The following MYO9A variants were observed in gnomAD, a reference collection of about 807,000 sequenced individuals.
MYO9A encodes myosin IXA.
Under a neutral mutation model 293.3 loss-of-function variants are expected in MYO9A, and 103 were observed. That is an observed-to-expected ratio of 0.35 (90% CI 0.30 to 0.41). The LOEUF (loss-of-function observed/expected upper bound fraction) is 0.41, where lower values mean the gene tolerates loss of function less well. Ranked by LOEUF, MYO9A falls within the 10% of genes least tolerant of loss-of-function variation. The probability of loss-of-function intolerance (pLI) is 1.00; values close to 1 mark genes in which losing one functional copy is unlikely to be tolerated. For synonymous variants in MYO9A, 1,001 were observed against 1,035.7 expected, an observed-to-expected ratio of 0.97 and a Z score of 0.64; for missense variants, 2,685 against 3,033.0, an observed-to-expected ratio of 0.89 and a Z score of 2.69.
chr15:72,114,839 T>C (rs2080910675), intron 1 of MYO9A, among the ~76,000 whole-genome samples: 2 of 152,200 alleles, frequency 1.3e-5, no homozygotes, highest in Admixed American at 1.3e-4. Context: ...TATTTCAAAC[T>C]GAGTTAACAT....
chr15:72,102,657 C>T (rs994055231), intron 1 of MYO9A, among the ~76,000 whole-genome samples: 17 of 152,072 alleles, frequency 1.1e-4, no homozygotes, highest in African/African-American at 3.6e-4. Context: ...TAGTTATACA[C>T]GTCTCTAATG....
chr15:72,036,773 G>A (rs2078061833), intron 2 of MYO9A: 1 of 152,500 alleles, frequency 6.6e-6, no homozygotes, highest in South Asian at 2.1e-4. Flanking sequence ...GGAGTGCAGT[G>A]GTGCTATAAC....
At chr15:71,946,291 A>G (rs999306972) in intron 15 of MYO9A, among the ~76,000 whole-genome samples, 18 of 152,196 alleles carry the variant, frequency 1.2e-4, no homozygotes, top group Admixed American at 6.5e-4. Context: ...CTTAAATAAA[A>G]TTACTAATGA....
intron 30 of MYO9A, 68 bp from the exon 31 acceptor site, chr15:71,878,299 C>T (rs2056757012): frequency 1.8e-6 from 2 of 1,092,474 alleles, no homozygotes; most frequent in African/African-American, 3.2e-5. Context: ...GGAAAGATTA[C>T]ACTTGTAATG....
At position 71,837,151 on chromosome 15, in the gene MYO9A, G is replaced by C. The variant is rs1327161418; in HGVS notation, c.6838-6840C>G. Among the ~76,000 whole-genome samples, 5 of 152,150 alleles carry C rather than the reference G, an allele frequency of 3.3e-5. No individual in the cohort carries two copies. In the East Asian group the frequency reaches 9.6e-4, roughly 29 times the overall value. ...GAGTTGAGTTTGGCAAGAAAGAAAG[G>C]AAAAGTGCTGTCTCAAAAATAGAAA... On this transcript the variant is annotated intron_variant, in intron 39 of 41. Coordinates refer to ENST00000356056, the MANE Select transcript of MYO9A (RefSeq NM_006901.4).
intron 8 of MYO9A, among the ~76,000 whole-genome samples, chr15:72,003,450 A>C (rs779860749): frequency 1.3e-5 from 2 of 152,000 alleles, no homozygotes; most frequent in South Asian, 4.1e-4. Context: ...TAACCCCAGC[A>C]CTTTGGAAGG....
chr15:72,072,798 G>A (rs1474120506), intron 1 of MYO9A, among the ~76,000 whole-genome samples: 1 of 152,076 alleles, frequency 6.6e-6, no homozygotes, highest in Non-Finnish European at 1.5e-5. Flanking sequence ...TGGGTATTAT[G>A]TTCACTATTT....
Position 71,854,372 on chromosome 15 carries a change from C to A in MYO9A, c.6346+5G>T. 1 of 1,531,862 alleles carries A rather than the reference C, an allele frequency of 6.5e-7. No homozygotes were observed. Among genetic ancestry groups the A allele is most frequent in the Admixed American group, 2.1e-5 (1 of 48,008 alleles). 94.9% of individuals were successfully genotyped at this position (1,531,862 alleles called of 1,614,324 possible). ...TTCATTATGATTTAGAGGGCACTAT[C>A]TTACCTGTATCTAGACCCTGCCGAA... is the stretch of plus-strand genomic sequence containing the variant. On this transcript the variant is annotated splice_donor_5th_base_variant and intron_variant, in intron 35 of 41. Transcript: ENST00000356056.
In MYO9A at chr15:71,879,651, A is replaced by G. The variant is rs149168223; in HGVS notation, c.5739+70T>C. On this transcript the variant is annotated intron_variant, in intron 30 of 41. Coordinates refer to ENST00000356056, the MANE Select transcript of MYO9A (RefSeq NM_006901.4). ...TCTTACGAAACATGGCTTTTGTATT[A>G]TCTTCTACAGCGCTATCAAATTTTT... 180 of 1,131,832 alleles carry G rather than the reference A, an allele frequency of 1.6e-4. No individual in the cohort carries two copies. In the African/African-American group the frequency reaches 2.5e-3, roughly 16 times the overall value. 70.1% of individuals were successfully genotyped at this position (1,131,832 alleles called of 1,614,324 possible). A position where few individuals can be genotyped will look rare whatever the true frequency, so the allele number is the denominator to read the frequency against.
At position 71,823,183 on chromosome 15, in the gene MYO9A, C is replaced by T. The variant is rs913847515; in HGVS notation, c.*3397G>A. 1 of 152,146 alleles carries T rather than the reference C, an allele frequency of 6.6e-6. No homozygotes were observed. Among genetic ancestry groups the T allele is most frequent in the Non-Finnish European group, 1.5e-5 (1 of 68,040 alleles). 9.4% of individuals were successfully genotyped at this position (152,146 alleles called of 1,614,324 possible). ...ATGAAAACTCTCTTAGCTTTGAACA[C>T]ATCCTGAGAATCCTTTCTTCTTTCT... is the stretch of plus-strand genomic sequence containing the variant. On this transcript the variant is annotated 3_prime_UTR_variant, in exon 42 of 42. Coordinates refer to ENST00000356056, the MANE Select transcript of MYO9A (RefSeq NM_006901.4).
Position 71,997,328 on chromosome 15 carries a change from G to A in MYO9A, c.1470+2523C>T, listed in dbSNP as rs545002425. 4.7e-4 allele frequency among the ~76,000 whole-genome samples: 72 copies of A among 152,210 alleles called. 1 individual carries two copies. Among genetic ancestry groups the A allele is most frequent in the Non-Finnish European group, 3.5e-4 (24 of 68,026 alleles). ...TTTATTAAAGAAATAACAGCCGGGC[G>A]TGGTGGCTCACGCCTGTAATCCCAA... On this transcript the variant is annotated intron_variant, in intron 9 of 41. Coordinates refer to ENST00000356056, the MANE Select transcript of MYO9A (RefSeq NM_006901.4).
chr15:71,903,083 T>C lies in MYO9A; in HGVS notation c.2878-20A>G, dbSNP rs746632939. ...AAAATCCTGAAAAATAATTTAAAAA[T>C]ATTGTAAAATCAGAAAACAGTGTAT... On this transcript the variant is annotated intron_variant, in intron 21 of 41. Coordinates refer to ENST00000356056, the MANE Select transcript of MYO9A (RefSeq NM_006901.4). 1 of 1,565,798 alleles carries C rather than the reference T, an allele frequency of 6.4e-7. No homozygotes were observed. Among genetic ancestry groups the C allele is most frequent in the South Asian group, 1.2e-5 (1 of 85,578 alleles).
At chr15:71,970,754 C>T (rs1389023224) in intron 12 of MYO9A, among the ~76,000 whole-genome samples, 1 of 152,092 alleles carries the variant, frequency 6.6e-6, no homozygotes, top group Non-Finnish European at 1.5e-5. Flanking sequence ...AAGCAGCTGC[C>T]AATCAGCTCT....
rs145692025 is a variant in MYO9A at position 71,914,863 on chromosome 15, C to T, written c.2685+1507G>A. On this transcript the variant is annotated intron_variant, in intron 19 of 41. Transcript: ENST00000356056. ...TGATTATAACTAAGTTTTTATTGTA[C>T]TAGCTATATGGTATTCTTCAGATTA... is the stretch of plus-strand genomic sequence containing the variant. Among the ~76,000 whole-genome samples, 1,510 of 152,156 alleles carry T rather than the reference C, an allele frequency of 9.9e-3. 11 individuals carry two copies. The highest frequency in any genetic ancestry group is 0.016 in the Non-Finnish European group (1,107 of 67,964).
chr15:72,098,787 TATA>T (rs965995137), intron 1 of MYO9A, among the ~76,000 whole-genome samples: 5 of 151,530 alleles, frequency 3.3e-5, no homozygotes, highest in African/African-American at 1.2e-4. Context: ...GCCTGGGCAA[TATA>T]ATGAGACCAC....
rs1191972223 is a variant in MYO9A, at chr15:72,117,991, C to T, written c.-383G>A. On this transcript the variant is annotated 5_prime_UTR_variant, in exon 1 of 42. Coordinates refer to ENST00000356056, the MANE Select transcript of MYO9A (RefSeq NM_006901.4). ...GCCTCTGCCGGTGCAACTACTGCCTCCGCCGCCGCCTCTCGCAGTCCGGGC... is the reference window on the plus strand; with the variant it reads ...GCCTCTGCCGGTGCAACTACTGCCTTCGCCGCCGCCTCTCGCAGTCCGGGC... The T allele has an allele frequency of 1.3e-5, 5 of 398,976 alleles. No homozygotes were observed. Among genetic ancestry groups the T allele is most frequent in the Non-Finnish European group, 2.2e-5 (5 of 226,640 alleles). 24.7% of individuals were successfully genotyped at this position (398,976 alleles called of 1,614,324 possible).
rs755552099 is a variant in MYO9A at position 71,899,751 on chromosome 15, G to C, written c.3406C>G (p.Gln1136Glu). ...WKAYRESKRY[Q>E]EQRKKIILLQ... ...AGGATAATTTTTTTCCTTTGTTCTT[G>C]GTACCTTTTACTTTCCCTGTAGGCT... The change falls in exon 24 of 42, where the codon CAA becomes GAA. Residue 1136 changes from glutamine to glutamate, a missense_variant. This residue lies in a region of MYO9A where 1,434 missense variants were observed against 1,497.7 expected (regional missense o/e 0.96). Transcript: ENST00000356056. 5 of 1,613,970 alleles carry C rather than the reference G, an allele frequency of 3.1e-6. No individual in the cohort carries two copies. The highest frequency in any genetic ancestry group is 1.6e-4 in the Middle Eastern group (1 of 6,084).
intron 1 of MYO9A, among the ~76,000 whole-genome samples, chr15:72,092,278 C>G (rs2079939129): frequency 6.6e-6 from 1 of 152,204 alleles, no homozygotes. Flanking sequence ...TAAACCTGTC[C>G]TATTCTAACC....
At position 71,826,316 on chromosome 15, in the gene MYO9A, A is replaced by C; in HGVS notation, c.*264T>G. The C allele has an allele frequency of 2.5e-6, 1 of 395,828 alleles. No individual in the cohort carries two copies. The highest frequency in any genetic ancestry group is 4.5e-6 in the Non-Finnish European group (1 of 223,642). 24.5% of individuals were successfully genotyped at this position (395,828 alleles called of 1,614,324 possible). On this transcript the variant is annotated 3_prime_UTR_variant, in exon 42 of 42. Transcript: ENST00000356056. ...GGGGAGAGGCAACTACAACTGACCC[A>C]AATCCCCAGGCCCTAGGTGGCTTTG...
Sources: allele counts gnomAD v4.1 joint callset (sites outside exome capture counted in the v4.1 genomes callset), GRCh38; gene constraint gnomAD v4.1.1; regional missense constraint gnomAD v4.1.1; transcripts MANE v1.5; gene names NCBI Gene and HGNC (gene_info 2026-07-23, HGNC 2026-07-21).